CCDC184: variants seen among roughly 807,000 people sequenced by gnomAD.
The protein encoded by CCDC184 is coiled-coil domain-containing protein 184.
CCDC184 carries 11 observed loss-of-function variants against 10.4 expected under a neutral mutation model. That is an observed-to-expected ratio of 1.06 (90% confidence interval 0.67 to 1.75). CCDC184 has a LOEUF of 1.75. Among genes scored for constraint, CCDC184 ranks in the 40% most tolerant of loss-of-function variants. The probability of loss-of-function intolerance (pLI) is 0.00; values close to 1 mark genes in which losing one functional copy is unlikely to be tolerated. For synonymous variants in CCDC184, 102 were observed against 116.1 expected (o/e 0.88, Z 0.78); for missense variants, 264 against 267.9 (o/e 0.99, Z 0.10).
chr12:48,184,009 T>A lies in CCDC184; in HGVS notation c.-114T>A. 3 of 541,412 alleles carry A rather than the reference T, an allele frequency of 5.5e-6. No homozygotes were observed. The highest frequency in any genetic ancestry group is 7.8e-5 in the East Asian group (2 of 25,530). The allele number at this position is 541,412 out of a possible 1,614,324, so 33.5% of individuals were successfully genotyped here. A position where few individuals can be genotyped will look rare whatever the true frequency, so the allele number is the denominator to read the frequency against. ...CCCCGCCAGTCTCGGGAGCCTCCGCTTCCCTCGGCTCCCGCTAGCCCCTCC... is the reference window on the plus strand; with the variant it reads ...CCCCGCCAGTCTCGGGAGCCTCCGCATCCCTCGGCTCCCGCTAGCCCCTCC... On this transcript the variant is annotated 5_prime_UTR_variant, in exon 1 of 1. Coordinates refer to ENST00000316554, the MANE Select transcript of CCDC184 (RefSeq NM_001013635.4).
chr12:48,183,833 A>C lies in CCDC184; in HGVS notation c.-290A>C. 1 of 389,226 alleles carries C rather than the reference A, an allele frequency of 2.6e-6. No homozygotes were observed. Among genetic ancestry groups the C allele is most frequent in the Non-Finnish European group, 4.6e-6 (1 of 217,416 alleles). 24.1% of individuals were successfully genotyped at this position (389,226 alleles called of 1,614,324 possible). A position where few individuals can be genotyped will look rare whatever the true frequency, so the allele number is the denominator to read the frequency against. ...GGCGCTGACACGGGCGCGATCCGGG[A>C]GGCGAGGCAGGGCAGGGCACTTTCG... On this transcript the variant is annotated 5_prime_UTR_variant, in exon 1 of 1. Transcript: ENST00000316554.
At position 48,184,263 on chromosome 12, in the gene CCDC184, G is replaced by T. The variant is rs748128642; in HGVS notation, c.141G>T (p.Leu47=). ...NGGMKELMEH[L]KAQLQALFED... ...GCATGAAGGAACTGATGGAGCACCTGAAAGCCCAGCTGCAAGCCCTGTTTG... is the reference window on the plus strand; with the variant it reads ...GCATGAAGGAACTGATGGAGCACCTTAAAGCCCAGCTGCAAGCCCTGTTTG... Residue 47 remains leucine, a synonymous_variant, in exon 1 of 1, where the codon CTG becomes CTT. Coordinates refer to ENST00000316554, the MANE Select transcript of CCDC184 (RefSeq NM_001013635.4). 8.1e-6 allele frequency: 13 copies of T among 1,614,004 alleles called. No individual in the cohort carries two copies. In the East Asian group the frequency reaches 2.5e-4, roughly 30 times the overall value.
At position 48,185,774 on chromosome 12, in the gene CCDC184, A is replaced by C. The variant is rs932126659; in HGVS notation, c.*1067A>C. On this transcript the variant is annotated 3_prime_UTR_variant, in exon 1 of 1. Coordinates refer to ENST00000316554, the MANE Select transcript of CCDC184 (RefSeq NM_001013635.4). ...CTCTCCCTCTTCCCCCAACCAGGGC[A>C]TGGAGCATGTGGCTGTCCTGAGGTT... 13 of 167,268 alleles carry C rather than the reference A, an allele frequency of 7.8e-5. No homozygotes were observed. Among genetic ancestry groups the C allele is most frequent in the Admixed American group, 1.3e-4 (2 of 15,290 alleles). The allele number at this position is 167,268 out of a possible 1,614,324, so 10.4% of individuals were successfully genotyped here. A position where few individuals can be genotyped will look rare whatever the true frequency, so the allele number is the denominator to read the frequency against.
In CCDC184 at chr12:48,184,628, G is replaced by C. The variant is rs759097956; in HGVS notation, c.506G>C (p.Gly169Ala). ...RPESPCAGLL[G>A]GDGPLVEPLD... ...GAAAGCCCCTGTGCTGGTCTCCTTG[G>C]GGGGGACGGGCCACTTGTGGAGCCC... The change falls in exon 1 of 1, where the codon GGG becomes GCG. Residue 169 changes from glycine (G) to alanine (A), a missense_variant. Gly to Ala is a moderately conservative substitution (Grantham distance 60). Coordinates refer to ENST00000316554, the MANE Select transcript of CCDC184 (RefSeq NM_001013635.4). 25 of 1,580,236 alleles carry C rather than the reference G, an allele frequency of 1.6e-5. No individual in the cohort carries two copies. In the South Asian group the frequency reaches 1.8e-4, roughly 12 times the overall value.
At position 48,183,930 on chromosome 12, in the gene CCDC184, C is replaced by T. The variant is rs1279759879; in HGVS notation, c.-193C>T. The T allele has an allele frequency of 1.7e-6, 1 of 571,888 alleles. No homozygotes were observed. Among genetic ancestry groups the T allele is most frequent in the Non-Finnish European group, 3.1e-6 (1 of 321,958 alleles). The allele number at this position is 571,888 out of a possible 1,614,324, so 35.4% of individuals were successfully genotyped here. On this transcript the variant is annotated 5_prime_UTR_variant, in exon 1 of 1. Transcript: ENST00000316554. ...TCCTCGTCCCGCAGCCTCTTCTCGG[C>T]CTCCCGCGATCCTGCCTGCGCCCTC...
chr12:48,184,829 C>CAG lies in CCDC184; in HGVS notation c.*130_*131dup, dbSNP rs1951491870. ...TGGACAGCTGCTCTTGTGGGTCAGG[C>CAG]AGAGAGAGACTCCCTCGAGGAAGGA... On this transcript the variant is annotated 3_prime_UTR_variant, in exon 1 of 1. Transcript: ENST00000316554. The CAG allele has an allele frequency of 1.4e-6, 1 of 719,672 alleles. No homozygotes were observed. Among genetic ancestry groups the CAG allele is most frequent in the African/African-American group, 1.8e-5 (1 of 56,072 alleles). 44.6% of individuals were successfully genotyped at this position (719,672 alleles called of 1,614,324 possible). A position where few individuals can be genotyped will look rare whatever the true frequency, so the allele number is the denominator to read the frequency against.
At position 48,183,985 on chromosome 12, in the gene CCDC184, C is replaced by T; in HGVS notation, c.-138C>T. 3.1e-6 allele frequency: 2 copies of T among 645,556 alleles called. No individual in the cohort carries two copies. Among genetic ancestry groups the T allele is most frequent in the Non-Finnish European group, 5.3e-6 (2 of 377,654 alleles). 40.0% of individuals were successfully genotyped at this position (645,556 alleles called of 1,614,324 possible). Reference sequence around the variant, plus strand: ...CAGGACTCGTCTCTCACGTCGGCTCCCCGCCAGTCTCGGGAGCCTCCGCTT... The same window carrying T: ...CAGGACTCGTCTCTCACGTCGGCTCTCCGCCAGTCTCGGGAGCCTCCGCTT... On this transcript the variant is annotated 5_prime_UTR_variant, in exon 1 of 1. Coordinates refer to ENST00000316554, the MANE Select transcript of CCDC184 (RefSeq NM_001013635.4).
rs1370107326 is a variant in CCDC184 at position 48,184,057 on chromosome 12, C to A, written c.-66C>A. 4 of 1,180,014 alleles carry A rather than the reference C, an allele frequency of 3.4e-6. No individual in the cohort carries two copies. Among genetic ancestry groups the A allele is most frequent in the South Asian group, 1.4e-5 (1 of 72,716 alleles). 73.1% of individuals were successfully genotyped at this position (1,180,014 alleles called of 1,614,324 possible). ...TCCCGGGACCTCTCCCCCTCCACCC[C>A]CTCCCCCACCCCGGAGGCCGGGCTG... On this transcript the variant is annotated 5_prime_UTR_variant, in exon 1 of 1. Transcript: ENST00000316554.
In CCDC184 at chr12:48,185,072, C is replaced by G. The variant is rs1307799729; in HGVS notation, c.*365C>G. ...TTTTCTATTCTGAAAAAGGACTTACCTAGGACCATGGCAAATAATCTCTAA... is the reference window on the plus strand; with the variant it reads ...TTTTCTATTCTGAAAAAGGACTTACGTAGGACCATGGCAAATAATCTCTAA... On this transcript the variant is annotated 3_prime_UTR_variant, in exon 1 of 1. Coordinates refer to ENST00000316554, the MANE Select transcript of CCDC184 (RefSeq NM_001013635.4). 1 of 206,078 alleles carries G rather than the reference C, an allele frequency of 4.9e-6. No individual in the cohort carries two copies. Among genetic ancestry groups the G allele is most frequent in the Non-Finnish European group, 1.1e-5 (1 of 94,040 alleles). The allele number at this position is 206,078 out of a possible 1,614,324, so 12.8% of individuals were successfully genotyped here.
Position 48,184,328 on chromosome 12 carries a change from C to T in CCDC184, c.206C>T (p.Ala69Val). 1 of 1,614,108 alleles carries T rather than the reference C, an allele frequency of 6.2e-7. No homozygotes were observed. The highest frequency in any genetic ancestry group is 2.2e-5 in the East Asian group (1 of 44,866). Residue 69 changes from alanine (A) to valine (V), a missense_variant, in exon 1 of 1, where the codon GCC becomes GTC. Transcript: ENST00000316554. ...RAMRGALDEQ[A>V]SHIQVLSDDV... is the part of the protein sequence containing the mutation. ...ATGAGGGGGGCCCTGGACGAGCAGG[C>T]CTCGCACATCCAGGTGCTCTCGGAC...
rs955441831 is a variant in CCDC184, at chr12:48,184,851, A to C, written c.*144A>C. 2 of 647,494 alleles carry C rather than the reference A, an allele frequency of 3.1e-6. No individual in the cohort carries two copies. Among genetic ancestry groups the C allele is most frequent in the Non-Finnish European group, 5.4e-6 (2 of 370,000 alleles). The allele number at this position is 647,494 out of a possible 1,614,324, so 40.1% of individuals were successfully genotyped here. ...AGGCAGAGAGAGACTCCCTCGAGGAAGGATTTGTAGGGTGAAGGACTTTGG... is the reference window on the plus strand; with the variant it reads ...AGGCAGAGAGAGACTCCCTCGAGGACGGATTTGTAGGGTGAAGGACTTTGG... On this transcript the variant is annotated 3_prime_UTR_variant, in exon 1 of 1. Coordinates refer to ENST00000316554, the MANE Select transcript of CCDC184 (RefSeq NM_001013635.4).
Position 48,184,311 on chromosome 12 carries a change from G to A in CCDC184, c.189G>A (p.Gly63=), listed in dbSNP as rs1298961862. Residue 63 remains glycine (G), a synonymous_variant, in exon 1 of 1, where the codon GGG becomes GGA. Transcript: ENST00000316554. ...TTGAGGACGTGAGGGCCATGAGGGG[G>A]GCCCTGGACGAGCAGGCCTCGCACA... ...ALFEDVRAMR[G]ALDEQASHIQ... is the part of the protein sequence containing the mutation. 6.2e-7 allele frequency: 1 copy of A among 1,614,144 alleles called. No individual in the cohort carries two copies. Among genetic ancestry groups the A allele is most frequent in the South Asian group, 1.1e-5 (1 of 91,088 alleles).
In CCDC184 at chr12:48,184,050, T is replaced by G; in HGVS notation, c.-73T>G. ...TAGCCCCTCCCGGGACCTCTCCCCC[T>G]CCACCCCCTCCCCCACCCCGGAGGC... On this transcript the variant is annotated 5_prime_UTR_variant, in exon 1 of 1. Coordinates refer to ENST00000316554, the MANE Select transcript of CCDC184 (RefSeq NM_001013635.4). The G allele has an allele frequency of 3.2e-5, 8 of 250,594 alleles. No homozygotes were observed. Among genetic ancestry groups the G allele is most frequent in the East Asian group, 6.7e-5 (1 of 14,962 alleles). The allele number at this position is 250,594 out of a possible 1,614,324, so 15.5% of individuals were successfully genotyped here. A position where few individuals can be genotyped will look rare whatever the true frequency, so the allele number is the denominator to read the frequency against.
rs1395183680 is a variant in CCDC184 at position 48,184,044 on chromosome 12, T to TCCC, written c.-76_-74dup. 31 of 652,366 alleles carry TCCC rather than the reference T, an allele frequency of 4.8e-5. No individual in the cohort carries two copies. Among genetic ancestry groups the TCCC allele is most frequent in the East Asian group, 1.9e-4 (5 of 25,744 alleles). 40.4% of individuals were successfully genotyped at this position (652,366 alleles called of 1,614,324 possible). On this transcript the variant is annotated 5_prime_UTR_variant, in exon 1 of 1. Transcript: ENST00000316554. ...TCCCGCTAGCCCCTCCCGGGACCTC[T>TCCC]CCCCCTCCACCCCCTCCCCCACCCC...
Position 48,185,080 on chromosome 12 carries a change from A to C in CCDC184, c.*373A>C. The C allele has an allele frequency of 5.1e-6, 1 of 195,464 alleles. No individual in the cohort carries two copies. The highest frequency in any genetic ancestry group is 2.3e-5 in the African/African-American group (1 of 42,722). 12.1% of individuals were successfully genotyped at this position (195,464 alleles called of 1,614,324 possible). On this transcript the variant is annotated 3_prime_UTR_variant, in exon 1 of 1. Transcript: ENST00000316554. ...TCTGAAAAAGGACTTACCTAGGACC[A>C]TGGCAAATAATCTCTAACAATTTAC...
At position 48,184,025 on chromosome 12, in the gene CCDC184, T is replaced by A; in HGVS notation, c.-98T>A. 7.1e-6 allele frequency: 4 copies of A among 559,922 alleles called. No individual in the cohort carries two copies. Among genetic ancestry groups the A allele is most frequent in the Non-Finnish European group, 5.9e-6 (2 of 340,482 alleles). The allele number at this position is 559,922 out of a possible 1,614,324, so 34.7% of individuals were successfully genotyped here. ...AGCCTCCGCTTCCCTCGGCTCCCGC[T>A]AGCCCCTCCCGGGACCTCTCCCCCT... On this transcript the variant is annotated 5_prime_UTR_variant, in exon 1 of 1. Transcript: ENST00000316554.
chr12:48,184,222 G>T lies in CCDC184; in HGVS notation c.100G>T (p.Gly34Trp), dbSNP rs372174871. Residue 34 changes from glycine to tryptophan, a missense_variant, in exon 1 of 1, where the codon GGG (glycine) becomes TGG (tryptophan). Physicochemically the swap from Gly to Trp is radical, Grantham distance 184. Coordinates refer to ENST00000316554, the MANE Select transcript of CCDC184 (RefSeq NM_001013635.4). ...TVPAVGDVISGEYNGGMKELM... is the reference protein window; with the variant it reads ...TVPAVGDVISWEYNGGMKELM... ...GCCGGCAGTGGGGGACGTGATCTCC[G>T]GGGAGTACAACGGCGGCATGAAGGA... 85 of 1,614,046 alleles carry T rather than the reference G, an allele frequency of 5.3e-5. 1 individual carries two copies. The South Asian group carries it at 8.7e-4, about 16-fold the overall frequency.
At position 48,184,781 on chromosome 12, in the gene CCDC184, G is replaced by A. The variant is rs1487031629; in HGVS notation, c.*74G>A. ...GTGCATGACGCGAGGGGGACTGAAC[G>A]GCGCGGTGCGGCATGCTTCACTTGG... On this transcript the variant is annotated 3_prime_UTR_variant, in exon 1 of 1. Transcript: ENST00000316554. The A allele has an allele frequency of 8.6e-7, 1 of 1,159,020 alleles. No individual in the cohort carries two copies. Among genetic ancestry groups the A allele is most frequent in the Non-Finnish European group, 1.2e-6 (1 of 817,202 alleles). 71.8% of individuals were successfully genotyped at this position (1,159,020 alleles called of 1,614,324 possible). A position where few individuals can be genotyped will look rare whatever the true frequency, so the allele number is the denominator to read the frequency against.
Position 48,185,182 on chromosome 12 carries a change from G to T in CCDC184, c.*475G>T, listed in dbSNP as rs1951493981. 5.9e-6 allele frequency: 1 copy of T among 168,114 alleles called. No homozygotes were observed. Among genetic ancestry groups the T allele is most frequent in the Admixed American group, 6.5e-5 (1 of 15,412 alleles). The allele number at this position is 168,114 out of a possible 1,614,324, so 10.4% of individuals were successfully genotyped here. A position where few individuals can be genotyped will look rare whatever the true frequency, so the allele number is the denominator to read the frequency against. ...CTTCTGCTGAAATCCAAGATATTCA[G>T]TGCTCTGCAGAAGCCTCTCCCCCTC... On this transcript the variant is annotated 3_prime_UTR_variant, in exon 1 of 1. Transcript: ENST00000316554.
Sources: gnomAD v4.1 joint callset for allele counts on GRCh38, gnomAD v4.1.1 for gene constraint, MANE v1.5 for transcripts, NCBI Gene and HGNC (gene_info 2026-07-23, HGNC 2026-07-21) for gene names.